The following VSTM1 variants were observed in gnomAD, a reference collection of about 807,000 sequenced individuals.
VSTM1 encodes the protein V-set and transmembrane domain containing 1, also known as V-set and transmembrane domain-containing protein 1.
Under a neutral mutation model 33.1 loss-of-function variants are expected in VSTM1, and 27 were observed. That is an observed-to-expected ratio of 0.82 (90% CI 0.60 to 1.12). The LOEUF is 1.12. Among genes scored for constraint, VSTM1 ranks in the 50% most tolerant of loss-of-function variants. The pLI is 0.00. For synonymous variants in VSTM1, 115 were observed against 110.3 expected (o/e 1.04, Z -0.27); for missense variants, 304 against 288.9 (o/e 1.05, Z -0.38).
At chr19:54,046,550 C>A (rs2070600671) in intron 4 of VSTM1, among the ~76,000 whole-genome samples, 1 of 151,896 alleles carries the variant, frequency 6.6e-6, no homozygotes, top group Non-Finnish European at 1.5e-5. Flanking sequence ...CCACCTACAC[C>A]CATCTCTCTC....
chr19:54,052,346 C>A (rs1257689886), intron 3 of VSTM1, among the ~76,000 whole-genome samples: 1 of 107,636 alleles, frequency 9.3e-6, no homozygotes, highest in Non-Finnish European at 2.1e-5. Flanking sequence ...TGCAGTGAGC[C>A]GAGATCGCGC....
chr19:54,057,446 T>C (rs539928819), intron 3 of VSTM1, among the ~76,000 whole-genome samples: 23 of 148,974 alleles, frequency 1.5e-4, no homozygotes, highest in African/African-American at 5.5e-4. Context: ...GCCTGGGAGG[T>C]CGAGGCTGCA....
At chr19:54,049,991 A>ATT (rs11297678) in intron 4 of VSTM1, among the ~76,000 whole-genome samples, 2,781 of 98,970 alleles carry the variant, frequency 0.028, 99 homozygotes, top group African/African-American at 0.1. Flanking sequence ...TAACTTTTTA[A>ATT]TTTTTTTTTT....
At chr19:54,047,832 C>A (rs1277582097) in intron 4 of VSTM1, among the ~76,000 whole-genome samples, 2 of 152,138 alleles carry the variant, frequency 1.3e-5, no homozygotes, top group Non-Finnish European at 2.9e-5. Context: ...CTGGGTTCAC[C>A]CTGAGATGTC....
chr19:54,041,964 G>C lies in VSTM1; in HGVS notation c.516-11C>G. On this transcript the variant is annotated splice_polypyrimidine_tract_variant and intron_variant, in intron 6 of 8. Transcript: ENST00000338372. The stretch of plus-strand genomic sequence containing the variant: ...TTGGAATGGCTGGTTCTGAAAGAGA[G>C]AGACACACGTGAAAGGATGGGATGT... The C allele has an allele frequency of 6.2e-7, 1 of 1,614,190 alleles. No individual in the cohort carries two copies. The highest frequency in any genetic ancestry group is 1.3e-5 in the African/African-American group (1 of 75,048).
chr19:54,059,571 A>G (rs2071283641), intron 1 of VSTM1, among the ~76,000 whole-genome samples: 1 of 151,144 alleles, frequency 6.6e-6, no homozygotes, highest in African/African-American at 2.4e-5. Context: ...CCTGGGTTCA[A>G]GTGATACTCG....
At chr19:54,050,601 G>A (rs954236808) in intron 4 of VSTM1, among the ~76,000 whole-genome samples, 5 of 151,876 alleles carry the variant, frequency 3.3e-5, no homozygotes, top group African/African-American at 9.7e-5. Flanking sequence ...TTCAGAACCC[G>A]GAAGCACTTT....
rs558301799 is a variant in VSTM1, at chr19:54,058,470, T to C, written c.191A>G (p.Asn64Ser). ...CTGTTCCTGCTTGTACCCAGAGTCGTTCACCTTGCGCAGCACAAATGTCAC... is the reference window on the plus strand; with the variant it reads ...CTGTTCCTGCTTGTACCCAGAGTCGCTCACCTTGCGCAGCACAAATGTCAC... ...QNVTFVLRKV[N>S]DSGYKQEQSS... Residue 64 changes from asparagine to serine, a missense_variant, in exon 3 of 9, where the codon AAC (asparagine) becomes AGC (serine). Transcript: ENST00000338372. 1.4e-5 allele frequency: 23 copies of C among 1,614,090 alleles called. No individual in the cohort carries two copies. The highest frequency in any genetic ancestry group is 1.8e-5 in the Non-Finnish European group (21 of 1,180,024).
rs2070905758 is a variant in VSTM1, at chr19:54,052,531, CT to C, written c.356-1084del. 3.5e-5 allele frequency among the ~76,000 whole-genome samples: 5 copies of C among 142,378 alleles called. 1 individual carries two copies. Among genetic ancestry groups the C allele is most frequent in the Admixed American group, 2.2e-4 (3 of 13,918 alleles). The allele number at this position is 142,378 out of a possible 152,430, so 93.4% of individuals were successfully genotyped here. On this transcript the variant is annotated intron_variant, in intron 3 of 8. Transcript: ENST00000338372. ...ATGAGTGAGATCCTGCAGAATTTGT[CT>C]TTCTGAGTCTGGCTTATTTTGTTTA...
intron 1 of VSTM1, among the ~76,000 whole-genome samples, chr19:54,059,147 G>A (rs879146084): frequency 7.2e-6 from 1 of 139,456 alleles, no homozygotes; most frequent in South Asian, 2.3e-4. Context: ...TGCAACCTCC[G>A]CCTCCCAGGT....
At chr19:54,055,686 G>A (rs1294575947) in intron 3 of VSTM1, 2 of 142,758 alleles carry the variant, frequency 1.4e-5, no homozygotes, top group African/African-American at 5.2e-5. Context: ...ATTTTCAACA[G>A]AGCAATTACA....
intron 3 of VSTM1, 53 bp from the exon 4 acceptor site, chr19:54,051,501 G>A: frequency 1.4e-6 from 2 of 1,458,158 alleles, no homozygotes; most frequent in Non-Finnish European, 1.9e-6. Flanking sequence ...AGGAACCTTG[G>A]GGACAGGAGT....
At chr19:54,047,386 G>A (rs1450394905) in intron 4 of VSTM1, among the ~76,000 whole-genome samples, 1 of 151,786 alleles carries the variant, frequency 6.6e-6, no homozygotes, top group African/African-American at 2.4e-5. Flanking sequence ...TCCCCCTCTG[G>A]GGTTCAAGCA....
chr19:54,060,144 G>A (rs1405662156), intron 1 of VSTM1, among the ~76,000 whole-genome samples: 1 of 152,002 alleles, frequency 6.6e-6, no homozygotes, highest in East Asian at 1.9e-4. Flanking sequence ...CAGCCACCGC[G>A]CCCGGCCGAG....
intron 4 of VSTM1, among the ~76,000 whole-genome samples, chr19:54,046,488 T>C (rs1407151119): frequency 6.6e-6 from 1 of 152,182 alleles, no homozygotes; most frequent in African/African-American, 2.4e-5. Context: ...TGACTCATTG[T>C]GTCGGATAAT....
intron 3 of VSTM1, 60 bp from the exon 4 acceptor site, chr19:54,051,508 G>A (rs1445993328): frequency 7.4e-7 from 1 of 1,355,700 alleles, no homozygotes; most frequent in Admixed American, 2.3e-5. Context: ...TTGGGGACAG[G>A]AGTCCTCACG....
In VSTM1 at chr19:54,056,227, T is replaced by C. The variant is rs2071092806; in HGVS notation, c.355+2079A>G. Among the ~76,000 whole-genome samples, 3 of 112,036 alleles carry C rather than the reference T, an allele frequency of 2.7e-5. 1 individual carries two copies. In the East Asian group the frequency reaches 6.9e-4, roughly 26 times the overall value. 73.5% of individuals were successfully genotyped at this position (112,036 alleles called of 152,430 possible). ...TTCTTTTCTTTTCTTTTTTTTTTTT[T>C]TTTTTTTTTTTTGAGACAGGTTCTC... On this transcript the variant is annotated intron_variant, in intron 3 of 8. Coordinates refer to ENST00000338372, the MANE Select transcript of VSTM1 (RefSeq NM_198481.4).
At chr19:54,049,581 C>T (rs958742445) in intron 4 of VSTM1, among the ~76,000 whole-genome samples, 5 of 152,086 alleles carry the variant, frequency 3.3e-5, no homozygotes, top group African/African-American at 1.2e-4. Flanking sequence ...CTTCCTCCTC[C>T]CCCTCACACC....
intron 3 of VSTM1, among the ~76,000 whole-genome samples, chr19:54,056,214 CTTT>C (rs869203085): frequency 5.1e-5 from 2 of 39,180 alleles, no homozygotes; most frequent in South Asian, 1.0e-3. Flanking sequence ...CTTTTCTTTT[CTTT>C]TTTTTTTTTT....
Sources: allele counts gnomAD v4.1 joint callset (sites outside exome capture counted in the v4.1 genomes callset), GRCh38; gene constraint gnomAD v4.1.1; transcripts MANE v1.5; gene names NCBI Gene and HGNC (gene_info 2026-07-23, HGNC 2026-07-21).